The following PPP1R16B variants were observed in gnomAD, a reference collection of about 807,000 sequenced individuals.
The protein encoded by PPP1R16B is protein phosphatase 1 regulatory subunit 16B, also known as protein phosphatase 1 regulatory inhibitor subunit 16B.
In PPP1R16B, 14 loss-of-function variants were observed where a neutral mutation model predicts 61.7. The observed-to-expected ratio is 0.23, with a 90% CI of 0.15 to 0.35. The LOEUF (loss-of-function observed/expected upper bound fraction) is 0.35. PPP1R16B is among the 10% of genes least tolerant of loss of function. The pLI is 1.00. For synonymous variants in PPP1R16B, 266 were observed against 305.3 expected (o/e 0.87, Z 1.34); for missense variants, 547 against 752.5 (o/e 0.73, Z 3.19).
intron 2 of PPP1R16B, among the ~76,000 whole-genome samples, chr20:38,868,654 T>C (rs1193537600): frequency 6.6e-6 from 1 of 152,112 alleles, no homozygotes; most frequent in Non-Finnish European, 1.5e-5. Flanking sequence ...AATGGTAACA[T>C]TTTGCAAAAC....
chr20:38,827,768 A>T (rs1460212504), intron 1 of PPP1R16B, among the ~76,000 whole-genome samples: 2 of 145,560 alleles, frequency 1.4e-5, no homozygotes, highest in African/African-American at 5.2e-5. Context: ...CTCTTTGCTC[A>T]TGAGTTAAAG....
At chr20:38,840,970 C>T (rs578244255) in intron 2 of PPP1R16B, among the ~76,000 whole-genome samples, 6 of 152,244 alleles carry the variant, frequency 3.9e-5, no homozygotes, top group East Asian at 1.9e-4. Context: ...TCTACATTTA[C>T]GTAATCTATT....
rs1350046960 is a variant in PPP1R16B at position 38,806,970 on chromosome 20, A to G, written c.-102+1178A>G. Among the ~76,000 whole-genome samples the G allele has an allele frequency of 3.3e-5, 5 of 152,206 alleles. No homozygotes were observed. ...GCGCGCCCATGTGATTGCATTTCAC[A>G]TAAAGGGCCCCTGTTTTCACTGTCA... On this transcript the variant is annotated intron_variant, in intron 1 of 10. Transcript: ENST00000299824. This position sits in a 1 kb window ranked among gnomAD's most constrained non-coding sequence, Gnocchi z 4.5.
chr20:38,837,287 T>A (rs1044874105), intron 2 of PPP1R16B, among the ~76,000 whole-genome samples: 3 of 152,230 alleles, frequency 2.0e-5, no homozygotes, highest in African/African-American at 7.2e-5. Context: ...GGGCTTGCTG[T>A]GAACATTAAG....
chr20:38,860,804 A>C (rs993276105), intron 2 of PPP1R16B, among the ~76,000 whole-genome samples: 7 of 152,154 alleles, frequency 4.6e-5, no homozygotes, highest in African/African-American at 1.7e-4. Flanking sequence ...CTAGGTTTTG[A>C]GTAAGGTGGA....
chr20:38,861,637 G>A (rs208820), intron 2 of PPP1R16B, among the ~76,000 whole-genome samples: 104,439 of 151,068 alleles, frequency 0.69, 36,533 homozygotes, highest in African/African-American at 0.78. Context: ...GCCACTTGAG[G>A]ATCTGGATGG....
chr20:38,832,792 C>T (rs2084845724), intron 1 of PPP1R16B, among the ~76,000 whole-genome samples: 1 of 151,804 alleles, frequency 6.6e-6, no homozygotes, highest in Non-Finnish European at 1.5e-5. Context: ...ATGGTGGGTG[C>T]CTGTAATCTC....
At chr20:38,807,009 G>A (rs2145698689) in intron 1 of PPP1R16B, among the ~76,000 whole-genome samples, 1 of 152,286 alleles carries the variant, frequency 6.6e-6, no homozygotes, top group Middle Eastern at 3.4e-3. Flanking sequence ...GAGCCCCCCA[G>A]CTCTCCGCGG....
chr20:38,871,795 GGTAAT>G (rs1568668987), intron 2 of PPP1R16B, among the ~76,000 whole-genome samples: 1 of 152,062 alleles, frequency 6.6e-6, no homozygotes, highest in Non-Finnish European at 1.5e-5. Context: ...GTGTGCCCAT[GGTAAT>G]GTAACTAAGT....
intron 1 of PPP1R16B, among the ~76,000 whole-genome samples, chr20:38,816,756 A>G (rs1190114208): frequency 6.6e-6 from 1 of 152,220 alleles, no homozygotes; most frequent in Non-Finnish European, 1.5e-5. Flanking sequence ...GCAGCGATAT[A>G]TAGAGCCAAT....
At chr20:38,883,281 G>A (rs2085216332) in intron 2 of PPP1R16B, among the ~76,000 whole-genome samples, 2 of 152,266 alleles carry the variant, frequency 1.3e-5, no homozygotes, top group Non-Finnish European at 2.9e-5. Flanking sequence ...ATGGTCGCAT[G>A]TTGCTAACCA....
intron 2 of PPP1R16B, among the ~76,000 whole-genome samples, chr20:38,839,766 AT>A (rs1171519609): frequency 1.3e-5 from 2 of 151,624 alleles, no homozygotes; most frequent in East Asian, 3.9e-4. Flanking sequence ...CTGTGCCATT[AT>A]TTTTATCTGC....
At chr20:38,889,459 T>G in intron 2 of PPP1R16B, 136 bp from the exon 3 acceptor site, 1 of 737,058 alleles carries the variant, frequency 1.4e-6, no homozygotes, top group East Asian at 2.5e-5. Flanking sequence ...TGGGCGTCAG[T>G]TGTCTCATCT....
intron 2 of PPP1R16B, chr20:38,872,806 C>T (rs575986380): frequency 5.3e-4 from 82 of 153,310 alleles, no homozygotes; most frequent in Admixed American, 1.7e-3. Flanking sequence ...CCCAGCTACT[C>T]GGTAGGCTGA....
intron 1 of PPP1R16B, among the ~76,000 whole-genome samples, chr20:38,832,939 G>T (rs1050630953): frequency 8.6e-5 from 13 of 151,308 alleles, no homozygotes; most frequent in Admixed American, 2.0e-4. Context: ...AAGTAAATGT[G>T]CAATTACCAT....
At chr20:38,834,106 C>G (rs1601243759) in intron 1 of PPP1R16B, among the ~76,000 whole-genome samples, 1 of 152,342 alleles carries the variant, frequency 6.6e-6, no homozygotes, top group African/African-American at 2.4e-5. Flanking sequence ...ATCTCCCTAC[C>G]ATTCCTCCTC....
At chr20:38,828,109 T>C (rs1214818132) in intron 1 of PPP1R16B, among the ~76,000 whole-genome samples, 1 of 152,212 alleles carries the variant, frequency 6.6e-6, no homozygotes. Context: ...ATCTCTTAAA[T>C]TTGAATTCAC....
intron 1 of PPP1R16B, among the ~76,000 whole-genome samples, chr20:38,815,449 C>T (rs139604621): frequency 8.4e-4 from 128 of 152,248 alleles, no homozygotes; most frequent in African/African-American, 3.0e-3. Context: ...TTTTTTCCTC[C>T]TACAAATGTA....
intron 2 of PPP1R16B, among the ~76,000 whole-genome samples, chr20:38,875,563 T>A (rs1297654267): frequency 6.6e-6 from 1 of 152,176 alleles, no homozygotes; most frequent in Admixed American, 6.5e-5. Flanking sequence ...ACCGAGTCTG[T>A]ATCAGAAATG....
Sources: gnomAD v4.1 joint callset for allele counts (sites outside exome capture counted in the v4.1 genomes callset) on GRCh38, gnomAD v4.1.1 for gene constraint, Gnocchi (gnomAD v3.1) non-coding constraint, MANE v1.5 for transcripts, NCBI Gene and HGNC (gene_info 2026-07-23, HGNC 2026-07-21) for gene names.